The following NFATC2 variants were observed in gnomAD, a reference collection of about 807,000 sequenced individuals.
NFATC2 encodes nuclear factor of activated T cells 2, also known as nuclear factor of activated T-cells, cytoplasmic 2.
Under a neutral mutation model 87.3 loss-of-function variants are expected in NFATC2, and 22 were observed. The observed-to-expected ratio is 0.25, with a 90% CI of 0.18 to 0.36. The LOEUF (loss-of-function observed/expected upper bound fraction) is 0.36. NFATC2 is among the 10% of genes least tolerant of loss of function. The pLI, the probability that NFATC2 is intolerant of heterozygous loss-of-function variation, is 1.00. For synonymous variants in NFATC2, 565 were observed against 542.2 expected, an observed-to-expected ratio of 1.04 and a Z score of -0.58; for missense variants, 1,149 against 1,259.1, an observed-to-expected ratio of 0.91 and a Z score of 1.32.
chr20:51,436,735 CAAACAAAT>C (rs1418827542), intron 6 of NFATC2, among the ~76,000 whole-genome samples: 2 of 121,508 alleles, frequency 1.6e-5, no homozygotes. Flanking sequence ...AACAAACAAA[CAAACAAAT>C]AAATAAGTAA....
intron 2 of NFATC2, among the ~76,000 whole-genome samples, chr20:51,521,564 G>A (rs1406262849): frequency 6.6e-6 from 1 of 152,122 alleles, no homozygotes; most frequent in Non-Finnish European, 1.5e-5. Flanking sequence ...CAGGTGATTC[G>A]CCCACCTCGG....
intron 1 of NFATC2, among the ~76,000 whole-genome samples, chr20:51,542,001 C>T (rs1032779290): frequency 6.6e-6 from 1 of 152,200 alleles, no homozygotes; most frequent in Non-Finnish European, 1.5e-5. Flanking sequence ...CACCTCCTCC[C>T]TCCAAAGGCA....
At chr20:51,404,846 G>A (rs951154301) in intron 9 of NFATC2, among the ~76,000 whole-genome samples, 2 of 152,170 alleles carry the variant, frequency 1.3e-5, no homozygotes, top group Non-Finnish European at 2.9e-5. Flanking sequence ...AGTCACTGAC[G>A]CTCTCTGCAA....
intron 4 of NFATC2, among the ~76,000 whole-genome samples, 178 bp downstream of exon 4, chr20:51,475,280 C>T (rs566979366): frequency 1.3e-5 from 2 of 152,216 alleles, no homozygotes; most frequent in African/African-American, 4.8e-5. Context: ...ACATATTATG[C>T]TTTTAAAATG....
chr20:51,396,837 C>T (rs1405463456), intron 10 of NFATC2, among the ~76,000 whole-genome samples: 1 of 152,152 alleles, frequency 6.6e-6, no homozygotes, highest in African/African-American at 2.4e-5. Context: ...GCCTTTGGTC[C>T]TAACTGTTCT....
rs1986304139 is a variant in NFATC2, at chr20:51,391,406, T to C, written c.*90A>G. 2 of 1,607,960 alleles carry C rather than the reference T, an allele frequency of 1.2e-6. No homozygotes were observed. Among genetic ancestry groups the C allele is most frequent in the Admixed American group, 3.3e-5 (2 of 59,754 alleles). On this transcript the variant is annotated 3_prime_UTR_variant, in exon 11 of 11. Transcript: ENST00000371564. ...CTATAATGGCTTCTTTTACGTCTGA[T>C]TTCTGGCAGGAGGTCCTGAAAACTC...
intron 1 of NFATC2, among the ~76,000 whole-genome samples, chr20:51,551,237 C>T (rs1199437185): frequency 6.6e-6 from 1 of 152,082 alleles, no homozygotes. Context: ...ATTATATCTT[C>T]ACACCATGTT....
At chr20:51,402,646 G>A (rs1423253592) in intron 9 of NFATC2, among the ~76,000 whole-genome samples, 2 of 152,256 alleles carry the variant, frequency 1.3e-5, no homozygotes, top group Non-Finnish European at 2.9e-5. Flanking sequence ...CTGGGGGTTA[G>A]AGGAATTAAC....
At chr20:51,431,269 C>T (rs945074468) in intron 9 of NFATC2, among the ~76,000 whole-genome samples, 14 of 152,214 alleles carry the variant, frequency 9.2e-5, no homozygotes, top group African/African-American at 3.1e-4. Flanking sequence ...CCACCCTCTC[C>T]GACCTCCCAA....
rs1260104971 is a variant in NFATC2 at position 51,524,896 on chromosome 20, A to G, written c.131-786T>C. ...CCCCAACAGGCAGGGTCACTGCTAC[A>G]GAGGTTACCTGACACCCAAACTATT... On this transcript the variant is annotated intron_variant, in intron 1 of 10. Coordinates refer to ENST00000371564, the MANE Select transcript of NFATC2 (RefSeq NM_012340.5). This position sits in a 1 kb window ranked among gnomAD's most constrained non-coding sequence, Gnocchi z 4.0. Among the ~76,000 whole-genome samples the G allele has an allele frequency of 6.6e-6, 1 of 152,170 alleles. No individual in the cohort carries two copies. The highest frequency in any genetic ancestry group is 1.5e-5 in the Non-Finnish European group (1 of 68,028).
At position 51,518,429 on chromosome 20, in the gene NFATC2, T is replaced by A. The variant is rs561291434; in HGVS notation, c.1161-1474A>T. On this transcript the variant is annotated intron_variant, in intron 2 of 10. Coordinates refer to ENST00000371564, the MANE Select transcript of NFATC2 (RefSeq NM_012340.5). ...GGGGGTAGCACCTCCATAAACTTCA[T>A]CTGTGCCAGAGTCCAACTTAAACAT... Among the ~76,000 whole-genome samples, 318 of 152,304 alleles carry A rather than the reference T, an allele frequency of 2.1e-3. 1 individual carries two copies. Among genetic ancestry groups the A allele is most frequent in the African/African-American group, 7.4e-3 (309 of 41,558 alleles).
At chr20:51,456,633 G>A (rs1488922321) in intron 5 of NFATC2, among the ~76,000 whole-genome samples, 1 of 152,286 alleles carries the variant, frequency 6.6e-6, no homozygotes. Flanking sequence ...GGCCAGGCCC[G>A]CCCCCTGGGG....
chr20:51,428,894 G>A (rs1015297424), intron 9 of NFATC2, among the ~76,000 whole-genome samples: 7 of 152,336 alleles, frequency 4.6e-5, no homozygotes, highest in African/African-American at 1.4e-4. Context: ...AGCACAGCAC[G>A]CTGGGGTTTA....
intron 3 of NFATC2, among the ~76,000 whole-genome samples, chr20:51,476,483 G>C (rs983126344): frequency 3.3e-5 from 5 of 151,876 alleles, no homozygotes; most frequent in African/African-American, 7.3e-5. Context: ...AAGATTCCCT[G>C]GCCATCTATT....
intron 1 of NFATC2, among the ~76,000 whole-genome samples, chr20:51,525,557 C>A (rs1174912296): frequency 1.4e-5 from 2 of 144,232 alleles, no homozygotes; most frequent in Non-Finnish European, 3.0e-5. Flanking sequence ...ACCTCCAAGG[C>A]CCCCCACCTC....
chr20:51,422,684 A>G (rs1186474060), intron 9 of NFATC2, among the ~76,000 whole-genome samples: 5 of 152,010 alleles, frequency 3.3e-5, no homozygotes, highest in Non-Finnish European at 2.9e-5. Flanking sequence ...GGCAGCACAC[A>G]CCAAAACACA....
At chr20:51,411,314 T>C (rs578084573) in intron 9 of NFATC2, among the ~76,000 whole-genome samples, 4 of 152,180 alleles carry the variant, frequency 2.6e-5, no homozygotes, top group African/African-American at 9.6e-5. Context: ...GAAGCTTTTT[T>C]TCAGGCCTAA....
chr20:51,513,069 T>C (rs1284299801), intron 3 of NFATC2, among the ~76,000 whole-genome samples: 3 of 152,232 alleles, frequency 2.0e-5, no homozygotes, highest in African/African-American at 2.4e-5. Context: ...GTAATTAGCA[T>C]GACTTATTTT....
intron 9 of NFATC2, among the ~76,000 whole-genome samples, chr20:51,417,484 C>A (rs1486921151): frequency 6.6e-6 from 1 of 152,184 alleles, no homozygotes; most frequent in Non-Finnish European, 1.5e-5. Flanking sequence ...TTCCCTCTGC[C>A]TGGAATTCCT....
Sources: allele counts gnomAD v4.1 joint callset (sites outside exome capture counted in the v4.1 genomes callset), GRCh38; gene constraint gnomAD v4.1.1; non-coding constraint Gnocchi (gnomAD v3.1); transcripts MANE v1.5; gene names NCBI Gene and HGNC (gene_info 2026-07-23, HGNC 2026-07-21).